The following TNFRSF21 variants were observed in gnomAD, a reference collection of about 807,000 sequenced individuals.
The protein encoded by TNFRSF21 is tumor necrosis factor receptor superfamily member 21.
TNFRSF21 carries 19 observed loss-of-function variants against 45.6 expected under a neutral mutation model. That is an observed-to-expected ratio of 0.42 (90% CI 0.29 to 0.61). TNFRSF21 has a LOEUF of 0.61. Among genes scored for constraint, TNFRSF21 ranks in the 20% least tolerant of loss-of-function variants. The pLI is 0.23. For missense variants in TNFRSF21, 737 were observed against 851.5 expected (o/e 0.87, Z 1.67); for synonymous variants, 314 against 335.5 (o/e 0.94, Z 0.70).
intron 3 of TNFRSF21, among the ~76,000 whole-genome samples, chr6:47,281,393 T>C (rs2113862253): frequency 6.6e-6 from 1 of 151,440 alleles, no homozygotes; most frequent in African/African-American, 2.4e-5. Flanking sequence ...GATTTTTTTT[T>C]TTTTTGAGAT....
intron 1 of TNFRSF21, among the ~76,000 whole-genome samples, chr6:47,294,141 T>C (rs1762765162): frequency 6.6e-6 from 1 of 152,082 alleles, no homozygotes; most frequent in African/African-American, 2.4e-5. Flanking sequence ...CACAGGTTTT[T>C]TGTTTTGTTT....
chr6:47,301,350 G>A (rs1762862548), intron 1 of TNFRSF21, among the ~76,000 whole-genome samples: 1 of 152,212 alleles, frequency 6.6e-6, no homozygotes, highest in African/African-American at 2.4e-5. Flanking sequence ...CTTTTCAAAT[G>A]AGGAAACACA....
At chr6:47,245,747 C>T (rs983803871) in intron 4 of TNFRSF21, among the ~76,000 whole-genome samples, 1 of 151,994 alleles carries the variant, frequency 6.6e-6, no homozygotes, top group African/African-American at 2.4e-5. Flanking sequence ...CTGTATTAGT[C>T]AGTTTTCATA....
intron 4 of TNFRSF21, among the ~76,000 whole-genome samples, chr6:47,246,356 T>G (rs1561939263): frequency 6.6e-6 from 1 of 152,234 alleles, no homozygotes; most frequent in Non-Finnish European, 1.5e-5. Context: ...CCCTGCTCTA[T>G]GTCAAGTGCA....
intron 4 of TNFRSF21, among the ~76,000 whole-genome samples, chr6:47,246,964 T>G (rs183960549): frequency 2.5e-3 from 374 of 152,330 alleles, no homozygotes; most frequent in African/African-American, 8.6e-3. Flanking sequence ...TCCCACTGAA[T>G]TATAATTATT....
At position 47,286,415 on chromosome 6, in the gene TNFRSF21, C is replaced by G; in HGVS notation, c.277G>C (p.Val93Leu). 3 of 1,614,220 alleles carry G rather than the reference C, an allele frequency of 1.9e-6. No homozygotes were observed. The highest frequency in any genetic ancestry group is 2.5e-6 in the Non-Finnish European group (3 of 1,180,038). Residue 93 changes from valine (V) to leucine (L), a missense_variant, in exon 2 of 6, where the codon GTG becomes CTG. Physicochemically the swap from Val to Leu is conservative, Grantham distance 32. Coordinates refer to ENST00000296861, the MANE Select transcript of TNFRSF21 (RefSeq NM_014452.5). Reference protein sequence around the residue: ...TSLRVCSSCPVGTFTRHENGI... With the variant: ...TSLRVCSSCPLGTFTRHENGI... ...TTCTCATGCCTGGTAAAGGTCCCCA[C>G]AGGGCAACTGCTGCAGACGCGCAGG...
Position 47,283,806 on chromosome 6 carries a change from G to A in TNFRSF21, c.1243+132C>T, listed in dbSNP as rs1006481655. 1.7e-4 allele frequency: 196 copies of A among 1,127,214 alleles called. 1 individual carries two copies. The highest frequency in any genetic ancestry group is 1.2e-3 in the Middle Eastern group (4 of 3,236). 69.8% of individuals were successfully genotyped at this position (1,127,214 alleles called of 1,614,324 possible). ...CGGTCAATCTCTTTTTCTATAACAC[G>A]ACTAGATCAAGTAGTGTTTGGTCTA... is the stretch of plus-strand genomic sequence containing the variant. On this transcript the variant is annotated intron_variant, in intron 3 of 5. Coordinates refer to ENST00000296861, the MANE Select transcript of TNFRSF21 (RefSeq NM_014452.5).
At chr6:47,240,339 C>T (rs1238698411) in intron 4 of TNFRSF21, among the ~76,000 whole-genome samples, 1 of 152,196 alleles carries the variant, frequency 6.6e-6, no homozygotes, top group East Asian at 1.9e-4. Flanking sequence ...CTAACTGAAA[C>T]TTACTGCTTT....
intron 3 of TNFRSF21, among the ~76,000 whole-genome samples, chr6:47,279,831 T>TCACA (rs1480592250): frequency 6.6e-6 from 1 of 152,184 alleles, no homozygotes. Context: ...TTACGTGAAA[T>TCACA]CACAGTCCAG....
intron 3 of TNFRSF21, among the ~76,000 whole-genome samples, chr6:47,257,392 G>T (rs559723915): frequency 2.0e-5 from 3 of 152,134 alleles, no homozygotes; most frequent in Non-Finnish European, 4.4e-5. Context: ...GGCTGGGGTC[G>T]CCAATGTTCT....
intron 3 of TNFRSF21, among the ~76,000 whole-genome samples, chr6:47,275,604 G>A (rs1762486247): frequency 6.6e-6 from 1 of 151,942 alleles, no homozygotes; most frequent in East Asian, 1.9e-4. Context: ...GTATACCTAT[G>A]TATCAAATCT....
chr6:47,287,307 C>CAAAAAAAA (rs1164380285), intron 1 of TNFRSF21, among the ~76,000 whole-genome samples: 17 of 20,882 alleles, frequency 8.1e-4, no homozygotes, highest in East Asian at 1.9e-3. Context: ...AACTCTTTCT[C>CAAAAAAAA]AAAAAAAAAA....
At chr6:47,268,238 A>C (rs1762362906) in intron 3 of TNFRSF21, among the ~76,000 whole-genome samples, 1 of 152,206 alleles carries the variant, frequency 6.6e-6, no homozygotes, top group South Asian at 2.1e-4. Flanking sequence ...CGATCCTGAC[A>C]TCATAAGGTT....
At chr6:47,235,086 C>T (rs1194649056) in intron 4 of TNFRSF21, among the ~76,000 whole-genome samples, 188 bp from the exon 5 acceptor site, 1 of 151,980 alleles carries the variant, frequency 6.6e-6, no homozygotes, top group Non-Finnish European at 1.5e-5. Flanking sequence ...TTCAAAAATA[C>T]AGTGAGGATA....
intron 3 of TNFRSF21, among the ~76,000 whole-genome samples, chr6:47,274,518 C>T (rs555659692): frequency 6.6e-6 from 1 of 152,272 alleles, no homozygotes; most frequent in African/African-American, 2.4e-5. Context: ...AATGTTAGAC[C>T]TAAAACCATA....
rs531040554 is a variant in TNFRSF21 at position 47,232,113 on chromosome 6, T to C, written c.*652A>G. On this transcript the variant is annotated 3_prime_UTR_variant, in exon 6 of 6. Coordinates refer to ENST00000296861, the MANE Select transcript of TNFRSF21 (RefSeq NM_014452.5). ...CAGGTGAAAACCATACAATCAGCAA[T>C]AGTGTGGTCAAGTTTCAGCCATGAA... is the stretch of plus-strand genomic sequence containing the variant. 6.6e-6 allele frequency: 1 copy of C among 152,402 alleles called. No individual in the cohort carries two copies. Among genetic ancestry groups the C allele is most frequent in the African/African-American group, 2.4e-5 (1 of 41,538 alleles). 9.4% of individuals were successfully genotyped at this position (152,402 alleles called of 1,614,324 possible). A position where few individuals can be genotyped will look rare whatever the true frequency, so the allele number is the denominator to read the frequency against.
intron 3 of TNFRSF21, among the ~76,000 whole-genome samples, chr6:47,255,541 A>G (rs1253175305): frequency 6.6e-6 from 1 of 151,784 alleles, no homozygotes; most frequent in African/African-American, 2.4e-5. Context: ...GGCTCACTGC[A>G]ACCTTAACCT....
At chr6:47,262,165 G>A (rs1278886530) in intron 3 of TNFRSF21, among the ~76,000 whole-genome samples, 1 of 152,066 alleles carries the variant, frequency 6.6e-6, no homozygotes, top group Non-Finnish European at 1.5e-5. Flanking sequence ...AAAAAACACC[G>A]TGCAAAGATC....
At chr6:47,252,458 A>T (rs529918502) in intron 4 of TNFRSF21, among the ~76,000 whole-genome samples, 5 of 152,372 alleles carry the variant, frequency 3.3e-5, no homozygotes, top group African/African-American at 1.2e-4. Flanking sequence ...ATACAATTAA[A>T]GAAAGGCTAA....
Sources: gnomAD v4.1 joint callset for allele counts (sites outside exome capture counted in the v4.1 genomes callset) on GRCh38, gnomAD v4.1.1 for gene constraint, MANE v1.5 for transcripts, NCBI Gene and HGNC (gene_info 2026-07-23, HGNC 2026-07-21) for gene names.